TCF7L2: variants seen among roughly 807,000 people sequenced by gnomAD.
The protein encoded by TCF7L2 is transcription factor 7 like 2, also known as transcription factor 7-like 2.
TCF7L2 carries 23 observed loss-of-function variants against 77.9 expected under a neutral mutation model. The observed-to-expected ratio is 0.30, with a 90% confidence interval of 0.21 to 0.42. The LOEUF is 0.42. Ranked by LOEUF, TCF7L2 falls within the 10% of genes least tolerant of loss-of-function variation. The probability of loss-of-function intolerance (pLI) is 1.00; values close to 1 mark genes in which losing one functional copy is unlikely to be tolerated. For synonymous variants in TCF7L2, 413 were observed against 340.2 expected, an observed-to-expected ratio of 1.21 and a Z score of -2.36; for missense variants, 654 against 793.1, an observed-to-expected ratio of 0.82 and a Z score of 2.11.
At chr10:113,118,982 G>A (rs1465888963) in intron 5 of TCF7L2, among the ~76,000 whole-genome samples, 1 of 152,148 alleles carries the variant, frequency 6.6e-6, no homozygotes, top group Admixed American at 6.5e-5. Flanking sequence ...AATAGTCGAC[G>A]TTATCAGGCG....
chr10:113,018,743 C>T (rs1397872791), intron 4 of TCF7L2, among the ~76,000 whole-genome samples: 1 of 152,150 alleles, frequency 6.6e-6, no homozygotes, highest in African/African-American at 2.4e-5. Context: ...GCTGGGATTA[C>T]AGGCGTGAGC....
chr10:112,980,848 G>A (rs1031011329), intron 4 of TCF7L2, among the ~76,000 whole-genome samples: 4 of 151,984 alleles, frequency 2.6e-5, no homozygotes, highest in South Asian at 4.1e-4. Flanking sequence ...GGATGGTCTC[G>A]ATCTCTTGAC....
chr10:113,037,864 T>A (rs2051620825), intron 4 of TCF7L2, among the ~76,000 whole-genome samples: 1 of 152,140 alleles, frequency 6.6e-6, no homozygotes, highest in South Asian at 2.1e-4. Context: ...TTTTATGAGA[T>A]GGAGAGGTGA....
At chr10:113,022,935 GTGTTTT>G (rs2048485553) in intron 4 of TCF7L2, among the ~76,000 whole-genome samples, 1 of 152,196 alleles carries the variant, frequency 6.6e-6, no homozygotes. Flanking sequence ...CACTGGATAA[GTGTTTT>G]GTTGAATGAA....
chr10:113,097,668 AAAAAAAC>A (rs542775787), intron 5 of TCF7L2, among the ~76,000 whole-genome samples: 2,278 of 129,058 alleles, frequency 0.018, 95 homozygotes, highest in Non-Finnish European at 0.029. Flanking sequence ...AAAAAAAAAA[AAAAAAAC>A]AACCATGAGA....
chr10:113,021,050 C>T (rs1007579653), intron 4 of TCF7L2, among the ~76,000 whole-genome samples: 1 of 152,104 alleles, frequency 6.6e-6, no homozygotes, highest in East Asian at 1.9e-4. Flanking sequence ...AGCATAATGC[C>T]CGGCAAAGTG....
rs868342179 is a variant in TCF7L2, at chr10:113,060,486, G to A, written c.552+20360G>A. 3.9e-5 allele frequency among the ~76,000 whole-genome samples: 6 copies of A among 152,266 alleles called. 1 individual carries two copies. The Middle Eastern group carries it at 0.01, about 259-fold the overall frequency. On this transcript the variant is annotated intron_variant, in intron 5 of 13. Transcript: ENST00000627217. ...GTTTTAATAAATGGGGGGGTCAGGG[G>A]AGAGGTTTCTGTTCTTGGAAGATTC...
chr10:113,114,654 G>C (rs974343872), intron 5 of TCF7L2, among the ~76,000 whole-genome samples: 5 of 152,178 alleles, frequency 3.3e-5, no homozygotes, highest in African/African-American at 1.2e-4. Context: ...TTTCTTTAGT[G>C]TAACCTAACA....
chr10:113,166,948 G>C lies in TCF7L2; in HGVS notation c.*976G>C. The C allele has an allele frequency of 4.3e-6, 1 of 231,092 alleles. No individual in the cohort carries two copies. The highest frequency in any genetic ancestry group is 6.1e-5 in the East Asian group (1 of 16,270). The allele number at this position is 231,092 out of a possible 1,614,324, so 14.3% of individuals were successfully genotyped here. A position where few individuals can be genotyped will look rare whatever the true frequency, so the allele number is the denominator to read the frequency against. ...TAAAACAAGACTTGAAAATGAGTGA[G>C]GGAATTTTAGCGACACTGTCTGAGC... is the stretch of plus-strand genomic sequence containing the variant. On this transcript the variant is annotated 3_prime_UTR_variant, in exon 14 of 14. Coordinates refer to ENST00000627217, the MANE Select transcript of TCF7L2 (RefSeq NM_001146274.2).
At chr10:113,065,117 A>G (rs376738411) in intron 5 of TCF7L2, among the ~76,000 whole-genome samples, 399 of 152,358 alleles carry the variant, frequency 2.6e-3, no homozygotes, top group African/African-American at 9.0e-3. Context: ...TGGGCCAGGC[A>G]GAGCTCCAGT....
intron 3 of TCF7L2, among the ~76,000 whole-genome samples, chr10:112,962,103 T>A (rs926696251): frequency 6.6e-6 from 1 of 152,190 alleles, no homozygotes; most frequent in African/African-American, 2.4e-5. Flanking sequence ...GAATTTGGAT[T>A]AACCACAGTT....
intron 8 of TCF7L2, among the ~76,000 whole-genome samples, chr10:113,148,969 C>G (rs138893162): frequency 6.6e-6 from 1 of 152,224 alleles, no homozygotes; most frequent in Non-Finnish European, 1.5e-5. Context: ...TACACACACA[C>G]ACTCACACAT....
chr10:112,972,763 G>A (rs535311823), intron 4 of TCF7L2, among the ~76,000 whole-genome samples: 5 of 152,272 alleles, frequency 3.3e-5, no homozygotes, highest in Middle Eastern at 3.4e-3. Flanking sequence ...GATCCACCGC[G>A]CCCAGCATAT....
intron 4 of TCF7L2, among the ~76,000 whole-genome samples, chr10:112,976,000 A>G (rs2039347502): frequency 6.6e-6 from 1 of 152,218 alleles, no homozygotes; most frequent in South Asian, 2.1e-4. Context: ...TTTTAAAGAA[A>G]CAGGTACGAG....
At chr10:112,973,221 C>T (rs1016117257) in intron 4 of TCF7L2, among the ~76,000 whole-genome samples, 2 of 152,194 alleles carry the variant, frequency 1.3e-5, no homozygotes, top group African/African-American at 2.4e-5. Context: ...AAGCTTGGAA[C>T]GGGTCCTGAC....
intron 5 of TCF7L2, among the ~76,000 whole-genome samples, chr10:113,052,312 T>C (rs7077247): frequency 0.51 from 77,958 of 151,898 alleles, 22,086 homozygotes; most frequent in African/African-American, 0.73. Context: ...GAAGGATGCA[T>C]TGATGGATTA....
intron 4 of TCF7L2, among the ~76,000 whole-genome samples, chr10:112,970,737 C>T (rs143402153): frequency 1.6e-3 from 242 of 152,166 alleles, no homozygotes; most frequent in African/African-American, 5.6e-3. Flanking sequence ...CTGGGCCTTT[C>T]CTCTCACCCA....
rs577732333 is a variant in TCF7L2, at chr10:112,992,112, C to T, written c.450+27488C>T. Among the ~76,000 whole-genome samples the T allele has an allele frequency of 3.9e-5, 6 of 152,228 alleles. No homozygotes were observed. In the East Asian group the frequency reaches 1.2e-3, roughly 30 times the overall value. The stretch of plus-strand genomic sequence containing the variant: ...TGTTACCCTGGCAGGATGCAGACTC[C>T]AGGCGGCCTGTTGGTCAGGCCTTGG... On this transcript the variant is annotated intron_variant, in intron 4 of 13. Coordinates refer to ENST00000627217, the MANE Select transcript of TCF7L2 (RefSeq NM_001146274.2).
intron 13 of TCF7L2, chr10:113,161,424 G>A (rs1478147971): frequency 9.4e-6 from 7 of 748,334 alleles, no homozygotes; most frequent in Non-Finnish European, 1.6e-5. Context: ...AAGCACCCAT[G>A]TTCCACCTGC....
Sources: allele counts gnomAD v4.1 joint callset (sites outside exome capture counted in the v4.1 genomes callset), GRCh38; gene constraint gnomAD v4.1.1; transcripts MANE v1.5; gene names NCBI Gene and HGNC (gene_info 2026-07-23, HGNC 2026-07-21).